Variants in MARK3 observed in about 807,000 individuals in gnomAD.
The protein encoded by MARK3 is microtubule affinity regulating kinase 3, also known as MAP/microtubule affinity-regulating kinase 3.
In MARK3, 46 loss-of-function variants were observed where a neutral mutation model predicts 90.1. That is an observed-to-expected ratio of 0.51 (90% confidence interval 0.40 to 0.65). MARK3 has a LOEUF of 0.65. MARK3 is among the 30% of genes least tolerant of loss of function. The probability of loss-of-function intolerance (pLI) is 0.00; values close to 1 mark genes in which losing one functional copy is unlikely to be tolerated. For synonymous variants in MARK3, 321 were observed against 332.6 expected (o/e 0.97, Z 0.38); for missense variants, 818 against 947.2 (o/e 0.86, Z 1.79).
chr14:103,411,903 G>T (rs1353645601), intron 2 of MARK3, among the ~76,000 whole-genome samples: 3 of 151,162 alleles, frequency 2.0e-5, no homozygotes, highest in Non-Finnish European at 1.5e-5. Context: ...TTACAGGTGT[G>T]AGCCACCACG....
intron 1 of MARK3, among the ~76,000 whole-genome samples, chr14:103,398,727 A>G (rs1282187835): frequency 6.6e-6 from 1 of 152,240 alleles, no homozygotes; most frequent in Non-Finnish European, 1.5e-5. Context: ...TTCTATGTTG[A>G]ATGAAATAAT....
At chr14:103,481,410 A>G (rs1435988529) in intron 14 of MARK3, among the ~76,000 whole-genome samples, 2 of 152,120 alleles carry the variant, frequency 1.3e-5, no homozygotes, top group East Asian at 1.9e-4. Context: ...ATCCTAACCT[A>G]TGTTTGATCT....
intron 2 of MARK3, among the ~76,000 whole-genome samples, chr14:103,421,943 CAAGA>C (rs1224040393): frequency 1.3e-5 from 2 of 152,140 alleles, no homozygotes; most frequent in Non-Finnish European, 2.9e-5. Flanking sequence ...TTTAAAGAGT[CAAGA>C]CTTGTTAAAA....
In MARK3 at chr14:103,385,872, C is replaced by G; in HGVS notation, c.-158C>G. 2 of 602,520 alleles carry G rather than the reference C, an allele frequency of 3.3e-6. No individual in the cohort carries two copies. Among genetic ancestry groups the G allele is most frequent in the Non-Finnish European group, 3.0e-6 (1 of 338,356 alleles). The allele number at this position is 602,520 out of a possible 1,614,324, so 37.3% of individuals were successfully genotyped here. On this transcript the variant is annotated 5_prime_UTR_variant, in exon 1 of 18. Coordinates refer to ENST00000429436, the MANE Select transcript of MARK3 (RefSeq NM_001128918.3). ...GGACCCGCCGGGGGACGGCCCGGGC[C>G]AGGCCCGGGATCTAGACGGCCGTAG...
intron 2 of MARK3, among the ~76,000 whole-genome samples, chr14:103,425,678 A>G (rs903628176): frequency 6.6e-6 from 1 of 152,106 alleles, no homozygotes; most frequent in Non-Finnish European, 1.5e-5. Context: ...AGTAGTCAGT[A>G]TTTTCTTTTG....
At chr14:103,465,913 T>C in intron 8 of MARK3, 59 bp from the exon 9 acceptor site, 1 of 1,583,896 alleles carries the variant, frequency 6.3e-7, no homozygotes, top group South Asian at 1.2e-5. Flanking sequence ...TTGTTGTGTT[T>C]TGTTAACTAA....
chr14:103,409,854 A>G (rs2091530102), intron 2 of MARK3, among the ~76,000 whole-genome samples: 2 of 152,164 alleles, frequency 1.3e-5, no homozygotes, highest in Non-Finnish European at 2.9e-5. Flanking sequence ...GGTTGTTTCT[A>G]AATTTTTGTT....
At chr14:103,391,100 C>T (rs1254969345) in intron 1 of MARK3, among the ~76,000 whole-genome samples, 3 of 152,222 alleles carry the variant, frequency 2.0e-5, no homozygotes, top group South Asian at 2.1e-4. Flanking sequence ...GGTGATTTTG[C>T]CCTCTAGTGG....
At chr14:103,430,168 C>T (rs968356150) in intron 3 of MARK3, among the ~76,000 whole-genome samples, 1 of 152,060 alleles carries the variant, frequency 6.6e-6, no homozygotes, top group Non-Finnish European at 1.5e-5. Flanking sequence ...TGGTATTATT[C>T]AAGTATGAAC....
intron 2 of MARK3, among the ~76,000 whole-genome samples, chr14:103,418,285 C>T (rs376628852): frequency 1.1e-5 from 1 of 90,894 alleles, no homozygotes; most frequent in African/African-American, 4.1e-5. Context: ...CATTGCTTCT[C>T]TTTTTTTCTG....
rs951974232 is a variant in MARK3 at position 103,503,746 on chromosome 14, T to A, written c.*519T>A. On this transcript the variant is annotated 3_prime_UTR_variant, in exon 18 of 18. Coordinates refer to ENST00000429436, the MANE Select transcript of MARK3 (RefSeq NM_001128918.3). Reference sequence around the variant, plus strand: ...TTGTGTTTTTTTAGTGCAAAAGGTTTAAATTTATAGTTGTGAACATTGCTT... The same window carrying A: ...TTGTGTTTTTTTAGTGCAAAAGGTTAAAATTTATAGTTGTGAACATTGCTT... 3 of 153,788 alleles carry A rather than the reference T, an allele frequency of 2.0e-5. No individual in the cohort carries two copies. The highest frequency in any genetic ancestry group is 7.2e-5 in the African/African-American group (3 of 41,476). 9.5% of individuals were successfully genotyped at this position (153,788 alleles called of 1,614,324 possible).
chr14:103,422,484 C>T lies in MARK3; in HGVS notation c.244-5903C>T, dbSNP rs61086017. On this transcript the variant is annotated intron_variant, in intron 2 of 17. Transcript: ENST00000429436. Reference sequence around the variant, plus strand: ...ACAAAACAAAAAGAAACGTAACATACATAAAAAGTGCCCAAATCATAAGTG... The same window carrying T: ...ACAAAACAAAAAGAAACGTAACATATATAAAAAGTGCCCAAATCATAAGTG... Among the ~76,000 whole-genome samples the T allele has an allele frequency of 1.9e-3, 282 of 152,176 alleles. 8 individuals carry two copies. The East Asian group carries it at 0.051, about 28-fold the overall frequency.
chr14:103,412,446 C>G, intron 2 of MARK3: 1 of 550,460 alleles, frequency 1.8e-6, no homozygotes, highest in Non-Finnish European at 3.3e-6. Context: ...GCCAAAAATG[C>G]ATCATACTTC....
intron 3 of MARK3, among the ~76,000 whole-genome samples, chr14:103,439,459 A>G (rs2092797022): frequency 6.6e-6 from 1 of 152,088 alleles, no homozygotes; most frequent in South Asian, 2.1e-4. Context: ...CCCAGGCTGG[A>G]GTGCAGTAGT....
Position 103,448,905 on chromosome 14 carries a change from G to GTTTT in MARK3, c.298-6_298-3dup. 1 of 1,136,614 alleles carries GTTTT rather than the reference G, an allele frequency of 8.8e-7. No homozygotes were observed. Among genetic ancestry groups the GTTTT allele is most frequent in the Non-Finnish European group, 1.2e-6 (1 of 824,580 alleles). 70.4% of individuals were successfully genotyped at this position (1,136,614 alleles called of 1,614,324 possible). A position where few individuals can be genotyped will look rare whatever the true frequency, so the allele number is the denominator to read the frequency against. ...GTTGGGGGGATTATGTGTTTTGTTT[G>GTTTT]TTTTTTTTTTTAGCTCTTCAGAGAA... On this transcript the variant is annotated splice_polypyrimidine_tract_variant and intron_variant, in intron 3 of 17. Coordinates refer to ENST00000429436, the MANE Select transcript of MARK3 (RefSeq NM_001128918.3).
At chr14:103,386,807 A>T (rs1404760929) in intron 1 of MARK3, among the ~76,000 whole-genome samples, 1 of 152,184 alleles carries the variant, frequency 6.6e-6, no homozygotes, top group African/African-American at 2.4e-5. Flanking sequence ...ATTGGCTTAG[A>T]TGAGCTCTTA....
chr14:103,454,622 A>G (rs1284092629), intron 5 of MARK3, among the ~76,000 whole-genome samples: 1 of 152,220 alleles, frequency 6.6e-6, no homozygotes, highest in Non-Finnish European at 1.5e-5. Flanking sequence ...TGTGTTTGCC[A>G]TTGTGAAAAG....
intron 2 of MARK3, among the ~76,000 whole-genome samples, chr14:103,410,416 C>G (rs138713777): frequency 6.6e-6 from 1 of 152,328 alleles, no homozygotes; most frequent in East Asian, 1.9e-4. Flanking sequence ...AGGGGACATT[C>G]ATTCAAACCA....
chr14:103,502,590 G>C (rs2075730911), intron 17 of MARK3, among the ~76,000 whole-genome samples: 1 of 152,220 alleles, frequency 6.6e-6, no homozygotes, highest in African/African-American at 2.4e-5. Flanking sequence ...CTTTTTGCCT[G>C]ATTTCCAAGG....
Sources: gnomAD v4.1 joint callset for allele counts (sites outside exome capture counted in the v4.1 genomes callset) on GRCh38, gnomAD v4.1.1 for gene constraint, MANE v1.5 for transcripts, NCBI Gene and HGNC (gene_info 2026-07-23, HGNC 2026-07-21) for gene names.